TEX13D: variants seen among roughly 807,000 people sequenced by gnomAD.
TEX13D encodes the protein testis-expressed protein 13D.
For missense variants in TEX13D, 261 were observed against 265.8 expected, an observed-to-expected ratio of 0.98 and a Z score of 0.12; for synonymous variants, 115 against 104.5, an observed-to-expected ratio of 1.10 and a Z score of -0.61.
Position 124,333,007 on chromosome X carries a change from C to A in TEX13D, c.90C>A (p.Ser30Arg). 1 of 476,462 alleles carries A rather than the reference C, an allele frequency of 2.1e-6. No homozygotes were observed. The allele number at this position is 476,462 out of a possible 1,213,427, so 39.3% of individuals were successfully genotyped here. Residue 30 changes from serine (S) to arginine (R), a missense_variant, in exon 1 of 1, where the codon AGC (serine) becomes AGA (arginine). Coordinates refer to ENST00000632372, the MANE Select transcript of TEX13D (RefSeq NM_001355534.2). ...FINNEVLMDGSGPAFYVAFRS... is the reference protein window; with the variant it reads ...FINNEVLMDGRGPAFYVAFRS... ...ACAATGAAGTCCTCATGGACGGCAG[C>A]GGCCCAGCCTTTTACGTGGCCTTCC...
In TEX13D at chrX:124,335,251, A is replaced by G. The variant is rs1367781252; in HGVS notation, c.*189A>G. 1.4e-5 allele frequency: 4 copies of G among 276,192 alleles called. No individual in the cohort carries two copies. The highest frequency in any genetic ancestry group is 2.5e-5 in the Non-Finnish European group (4 of 159,053). The allele number at this position is 276,192 out of a possible 1,213,427, so 22.8% of individuals were successfully genotyped here. A position where few individuals can be genotyped will look rare whatever the true frequency, so the allele number is the denominator to read the frequency against. On this transcript the variant is annotated 3_prime_UTR_variant, in exon 1 of 1. Transcript: ENST00000632372. ...ATTTTAAAAGTTGTTTTGGATACAC[A>G]TACATACAAATATATATGCATTTAT...
Position 124,333,189 on chromosome X carries a change from G to A in TEX13D, c.272G>A (p.Arg91Gln), listed in dbSNP as rs2059965397. The change falls in exon 1 of 1, where the codon CGG (arginine) becomes CAG (glutamine). Residue 91 changes from arginine (R) to glutamine (Q), a missense_variant. By Grantham distance (43) the Arg-to-Gln change is conservative (BLOSUM62 1). Transcript: ENST00000632372. ...RQREELLHHVRRLQRHAEERQ... is the reference protein window; with the variant it reads ...RQREELLHHVQRLQRHAEERQ... ...CGGGAGGAGCTGCTGCACCACGTTC[G>A]GCGGCTGCAAAGGCATGCGGAGGAG... 6.4e-6 allele frequency: 3 copies of A among 466,483 alleles called. No individual in the cohort carries two copies. Among genetic ancestry groups the A allele is most frequent in the East Asian group, 3.9e-5 (1 of 25,416 alleles). 38.4% of individuals were successfully genotyped at this position (466,483 alleles called of 1,213,427 possible). A position where few individuals can be genotyped will look rare whatever the true frequency, so the allele number is the denominator to read the frequency against.
chrX:124,334,905 T>G lies in TEX13D; in HGVS notation c.1988T>G (p.Val663Gly), dbSNP rs2059970557. The G allele has an allele frequency of 1.1e-6, 1 of 937,483 alleles. No homozygotes were observed. Among genetic ancestry groups the G allele is most frequent in the Non-Finnish European group, 1.3e-6 (1 of 756,207 alleles). The allele number at this position is 937,483 out of a possible 1,213,427, so 77.3% of individuals were successfully genotyped here. The change falls in exon 1 of 1, where the codon GTC (valine) becomes GGC (glycine). Residue 663 changes from valine to glycine, a missense_variant. Coordinates refer to ENST00000632372, the MANE Select transcript of TEX13D (RefSeq NM_001355534.2). ...QKAKKPKVNK[V>G]SGSQQQEKPA... ...GCCAAGAAACCAAAAGTGAATAAAG[T>G]CTCGGGATCCCAGCAGCAGGAGAAG...
Position 124,335,089 on chromosome X carries a change from A to T in TEX13D, c.*27A>T. The T allele has an allele frequency of 2.0e-5, 18 of 906,898 alleles. No individual in the cohort carries two copies. The highest frequency in any genetic ancestry group is 2.5e-5 in the Non-Finnish European group (18 of 727,637). The allele number at this position is 906,898 out of a possible 1,213,427, so 74.7% of individuals were successfully genotyped here. On this transcript the variant is annotated 3_prime_UTR_variant, in exon 1 of 1. Transcript: ENST00000632372. ...TTCAGGAAGGTAAGTAAGAATGGAC[A>T]CACTTCAAAGAGAAAGCAATTTCCT...
Position 124,336,015 on chromosome X carries a change from A to G in TEX13D, c.*953A>G, listed in dbSNP as rs1316408968. On this transcript the variant is annotated 3_prime_UTR_variant, in exon 1 of 1. Coordinates refer to ENST00000632372, the MANE Select transcript of TEX13D (RefSeq NM_001355534.2). ...CTAATATGTGTTAGGAGCTAGACTTATAGGTTATTATTTGGTGCACACATC... is the reference window on the plus strand; with the variant it reads ...CTAATATGTGTTAGGAGCTAGACTTGTAGGTTATTATTTGGTGCACACATC... The G allele has an allele frequency of 8.9e-6, 1 of 112,296 alleles. No individual in the cohort carries two copies. The highest frequency in any genetic ancestry group is 2.8e-4 in the East Asian group (1 of 3,598). 9.3% of individuals were successfully genotyped at this position (112,296 alleles called of 1,213,427 possible). A position where few individuals can be genotyped will look rare whatever the true frequency, so the allele number is the denominator to read the frequency against.
At position 124,334,728 on chromosome X, in the gene TEX13D, G is replaced by C. The variant is rs112652307; in HGVS notation, c.1811G>C (p.Arg604Pro). The C allele has an allele frequency of 3.4e-4, 312 of 904,650 alleles. No homozygotes were observed. In the African/African-American group the frequency reaches 3.6e-3, roughly 10 times the overall value. 74.6% of individuals were successfully genotyped at this position (904,650 alleles called of 1,213,427 possible). ...AGAAGCTATAGCCAGGAAGGAAGCC[G>C]AGAGAGGGCCCAGGGGATGGCCACC... ...DNRSYSQEGS[R>P]ERAQGMATLV... The change falls in exon 1 of 1, where the codon CGA (arginine) becomes CCA (proline). Residue 604 changes from arginine to proline, a missense_variant. By Grantham distance (103) the Arg-to-Pro change is moderately radical (BLOSUM62 -2). Coordinates refer to ENST00000632372, the MANE Select transcript of TEX13D (RefSeq NM_001355534.2).
chrX:124,333,369 G>A lies in TEX13D; in HGVS notation c.452G>A (p.Arg151Lys). The A allele has an allele frequency of 1.1e-5, 4 of 364,313 alleles. No homozygotes were observed. In the East Asian group the frequency reaches 1.8e-4, roughly 17 times the overall value. The allele number at this position is 364,313 out of a possible 1,213,427, so 30.0% of individuals were successfully genotyped here. A position where few individuals can be genotyped will look rare whatever the true frequency, so the allele number is the denominator to read the frequency against. Reference protein sequence around the residue: ...GLYGRLLQIERFPQAAPLAHE... With the variant: ...GLYGRLLQIEKFPQAAPLAHE... ...TACGGGAGGCTGCTCCAGATCGAGA[G>A]GTTTCCCCAGGCCGCTCCACTGGCC... The change falls in exon 1 of 1, where the codon AGG becomes AAG. Residue 151 changes from arginine (R) to lysine (K), a missense_variant. Coordinates refer to ENST00000632372, the MANE Select transcript of TEX13D (RefSeq NM_001355534.2).
Position 124,336,635 on chromosome X carries a change from T to A in TEX13D, c.*1573T>A, listed in dbSNP as rs2059973660. 8.9e-6 allele frequency: 1 copy of A among 111,801 alleles called. No homozygotes were observed. Among genetic ancestry groups the A allele is most frequent in the Non-Finnish European group, 1.9e-5 (1 of 53,126 alleles). 9.2% of individuals were successfully genotyped at this position (111,801 alleles called of 1,213,427 possible). A position where few individuals can be genotyped will look rare whatever the true frequency, so the allele number is the denominator to read the frequency against. Reference sequence around the variant, plus strand: ...GGACAGGGGCGAGCACTCTTGGGAATGCCCCTGGACCCTTCCTCTTTGGCG... The same window carrying A: ...GGACAGGGGCGAGCACTCTTGGGAAAGCCCCTGGACCCTTCCTCTTTGGCG... On this transcript the variant is annotated 3_prime_UTR_variant, in exon 1 of 1. Coordinates refer to ENST00000632372, the MANE Select transcript of TEX13D (RefSeq NM_001355534.2).
At position 124,334,868 on chromosome X, in the gene TEX13D, C is replaced by G; in HGVS notation, c.1951C>G (p.Gln651Glu). ...VRESPKKWQP[Q>E]RQKAKKPKVN... ...AGAAAGCCCAAAGAAATGGCAACCT[C>G]AGAGGCAGAAGGCCAAGAAACCAAA... Residue 651 changes from glutamine (Q) to glutamate (E), a missense_variant, in exon 1 of 1, where the codon CAG becomes GAG. Gln to Glu is a conservative substitution (Grantham distance 29). Coordinates refer to ENST00000632372, the MANE Select transcript of TEX13D (RefSeq NM_001355534.2). The G allele has an allele frequency of 1.1e-6, 1 of 938,992 alleles. No homozygotes were observed. Among genetic ancestry groups the G allele is most frequent in the Non-Finnish European group, 1.3e-6 (1 of 756,468 alleles). 77.4% of individuals were successfully genotyped at this position (938,992 alleles called of 1,213,427 possible).
In TEX13D at chrX:124,334,895, G is replaced by A. The variant is rs1381602790; in HGVS notation, c.1978G>A (p.Val660Met). 3.2e-6 allele frequency: 3 copies of A among 938,021 alleles called. No homozygotes were observed. The East Asian group carries it at 1.2e-4, about 39-fold the overall frequency. The allele number at this position is 938,021 out of a possible 1,213,427, so 77.3% of individuals were successfully genotyped here. Reference sequence around the variant, plus strand: ...GAGGCAGAAGGCCAAGAAACCAAAAGTGAATAAAGTCTCGGGATCCCAGCA... The same window carrying A: ...GAGGCAGAAGGCCAAGAAACCAAAAATGAATAAAGTCTCGGGATCCCAGCA... ...PQRQKAKKPK[V>M]NKVSGSQQQE... The change falls in exon 1 of 1, where the codon GTG becomes ATG. Residue 660 changes from valine to methionine, a missense_variant. Val to Met is a conservative substitution (Grantham distance 21, BLOSUM62 1). Transcript: ENST00000632372.
At position 124,336,628 on chromosome X, in the gene TEX13D, T is replaced by C. The variant is rs748121548; in HGVS notation, c.*1566T>C. 4.5e-5 allele frequency: 5 copies of C among 111,758 alleles called. No homozygotes were observed. The highest frequency in any genetic ancestry group is 1.6e-4 in the African/African-American group (5 of 30,627). The allele number at this position is 111,758 out of a possible 1,213,427, so 9.2% of individuals were successfully genotyped here. A position where few individuals can be genotyped will look rare whatever the true frequency, so the allele number is the denominator to read the frequency against. The stretch of plus-strand genomic sequence containing the variant: ...TAAAACTGGACAGGGGCGAGCACTC[T>C]TGGGAATGCCCCTGGACCCTTCCTC... On this transcript the variant is annotated 3_prime_UTR_variant, in exon 1 of 1. Coordinates refer to ENST00000632372, the MANE Select transcript of TEX13D (RefSeq NM_001355534.2).
Position 124,333,215 on chromosome X carries a change from C to T in TEX13D, c.298C>T (p.Arg100Cys), listed in dbSNP as rs886490646. ...GCGGCTGCAAAGGCATGCGGAGGAG[C>T]GCCAGGCGACCTCCTGGGCTCTAAC... ...VRRLQRHAEERQATSWALTSQ... is the reference protein window; with the variant it reads ...VRRLQRHAEECQATSWALTSQ... The change falls in exon 1 of 1, where the codon CGC (arginine) becomes TGC (cysteine). Residue 100 changes from arginine to cysteine, a missense_variant. By Grantham distance (180) the Arg-to-Cys change is radical. Transcript: ENST00000632372. 12 of 468,293 alleles carry T rather than the reference C, an allele frequency of 2.6e-5. No individual in the cohort carries two copies. The highest frequency in any genetic ancestry group is 1.2e-4 in the East Asian group (3 of 25,871). The allele number at this position is 468,293 out of a possible 1,213,427, so 38.6% of individuals were successfully genotyped here. A position where few individuals can be genotyped will look rare whatever the true frequency, so the allele number is the denominator to read the frequency against.
Position 124,333,252 on chromosome X carries a change from A to G in TEX13D, c.335A>G (p.Gln112Arg). ...TCCTGGGCTCTAACGTCCCAGCTGC[A>G]GCAGCTGCGCCTGGAGCATGAGGTG... is the stretch of plus-strand genomic sequence containing the variant. ...ATSWALTSQL[Q>R]QLRLEHEVAA... Residue 112 changes from glutamine to arginine, a missense_variant, in exon 1 of 1, where the codon CAG (glutamine) becomes CGG (arginine). Transcript: ENST00000632372. 2.2e-6 allele frequency: 1 copy of G among 453,942 alleles called. No homozygotes were observed. Among genetic ancestry groups the G allele is most frequent in the South Asian group, 3.3e-5 (1 of 30,030 alleles). The allele number at this position is 453,942 out of a possible 1,213,427, so 37.4% of individuals were successfully genotyped here.
At position 124,336,356 on chromosome X, in the gene TEX13D, G is replaced by A. The variant is rs189093107; in HGVS notation, c.*1294G>A. ...TCTGCTGATTTCCTCCTTTGAGAGG[G>A]ACAGATATTTTCCTGGCTGCCAGTA... On this transcript the variant is annotated 3_prime_UTR_variant, in exon 1 of 1. Coordinates refer to ENST00000632372, the MANE Select transcript of TEX13D (RefSeq NM_001355534.2). 10 of 111,983 alleles carry A rather than the reference G, an allele frequency of 8.9e-5. No individual in the cohort carries two copies. Among genetic ancestry groups the A allele is most frequent in the South Asian group, 7.5e-4 (2 of 2,655 alleles). 9.2% of individuals were successfully genotyped at this position (111,983 alleles called of 1,213,427 possible). A position where few individuals can be genotyped will look rare whatever the true frequency, so the allele number is the denominator to read the frequency against.
Position 124,333,871 on chromosome X carries a change from G to C in TEX13D, c.954G>C (p.Arg318Ser). 2 of 313,097 alleles carry C rather than the reference G, an allele frequency of 6.4e-6. No homozygotes were observed. Among genetic ancestry groups the C allele is most frequent in the Non-Finnish European group, 1.1e-5 (2 of 185,110 alleles). 25.8% of individuals were successfully genotyped at this position (313,097 alleles called of 1,213,427 possible). ...ACAGCCAGGGAGAAGGTTCAGAGAG[G>C]TCCCAAAGAATGCCCCTCCCCGGGG... Reference protein sequence around the residue: ...RSHSQGEGSERSQRMPLPGDS... With the variant: ...RSHSQGEGSESSQRMPLPGDS... Residue 318 changes from arginine to serine, a missense_variant, in exon 1 of 1, where the codon AGG (arginine) becomes AGC (serine). Transcript: ENST00000632372.
Position 124,336,541 on chromosome X carries a change from C to T in TEX13D, c.*1479C>T, listed in dbSNP as rs780673259. ...AAAATGGATTTCAAGGACAGACAGACAGACATAAGGGCTGTGGGCTATGGA... is the reference window on the plus strand; with the variant it reads ...AAAATGGATTTCAAGGACAGACAGATAGACATAAGGGCTGTGGGCTATGGA... On this transcript the variant is annotated 3_prime_UTR_variant, in exon 1 of 1. Coordinates refer to ENST00000632372, the MANE Select transcript of TEX13D (RefSeq NM_001355534.2). 1 of 112,273 alleles carries T rather than the reference C, an allele frequency of 8.9e-6. No homozygotes were observed. Among genetic ancestry groups the T allele is most frequent in the South Asian group, 3.7e-4 (1 of 2,680 alleles). The allele number at this position is 112,273 out of a possible 1,213,427, so 9.3% of individuals were successfully genotyped here. A position where few individuals can be genotyped will look rare whatever the true frequency, so the allele number is the denominator to read the frequency against.
At position 124,333,210 on chromosome X, in the gene TEX13D, A is replaced by G; in HGVS notation, c.293A>G (p.Glu98Gly). The change falls in exon 1 of 1, where the codon GAG (glutamate) becomes GGG (glycine). Residue 98 changes from glutamate (E) to glycine (G), a missense_variant. Physicochemically the swap from Glu to Gly is moderately conservative, Grantham distance 98. Coordinates refer to ENST00000632372, the MANE Select transcript of TEX13D (RefSeq NM_001355534.2). The part of the protein sequence containing the change: ...HHVRRLQRHA[E>G]ERQATSWALT... ...GTTCGGCGGCTGCAAAGGCATGCGGAGGAGCGCCAGGCGACCTCCTGGGCT... is the reference window on the plus strand; with the variant it reads ...GTTCGGCGGCTGCAAAGGCATGCGGGGGAGCGCCAGGCGACCTCCTGGGCT... The G allele has an allele frequency of 2.1e-6, 1 of 470,457 alleles. No homozygotes were observed. 38.8% of individuals were successfully genotyped at this position (470,457 alleles called of 1,213,427 possible).
In TEX13D at chrX:124,335,092, C is replaced by T; in HGVS notation, c.*30C>T. The T allele has an allele frequency of 1.1e-6, 1 of 904,193 alleles. No homozygotes were observed. Among genetic ancestry groups the T allele is most frequent in the Non-Finnish European group, 1.4e-6 (1 of 725,329 alleles). 74.5% of individuals were successfully genotyped at this position (904,193 alleles called of 1,213,427 possible). ...AGGAAGGTAAGTAAGAATGGACACACTTCAAAGAGAAAGCAATTTCCTAAG... is the reference window on the plus strand; with the variant it reads ...AGGAAGGTAAGTAAGAATGGACACATTTCAAAGAGAAAGCAATTTCCTAAG... On this transcript the variant is annotated 3_prime_UTR_variant, in exon 1 of 1. Transcript: ENST00000632372.
chrX:124,336,105 CA>C lies in TEX13D; in HGVS notation c.*1044del, dbSNP rs1183729782. The stretch of plus-strand genomic sequence containing the variant: ...GCATAATTTGGGATACAAATTAGAT[CA>C]GGGGTATCTTCTTTGCCTTGCATGT... On this transcript the variant is annotated 3_prime_UTR_variant, in exon 1 of 1. Coordinates refer to ENST00000632372, the MANE Select transcript of TEX13D (RefSeq NM_001355534.2). The C allele has an allele frequency of 2.7e-5, 3 of 111,871 alleles. No individual in the cohort carries two copies. The highest frequency in any genetic ancestry group is 5.6e-5 in the Non-Finnish European group (3 of 53,218). 9.2% of individuals were successfully genotyped at this position (111,871 alleles called of 1,213,427 possible).
Sources: gnomAD v4.1 joint callset for allele counts on GRCh38, gnomAD v4.1.1 for gene constraint, MANE v1.5 for transcripts, NCBI Gene and HGNC (gene_info 2026-07-23, HGNC 2026-07-21) for gene names.